Variants in ZNF804A observed in about 807,000 individuals in gnomAD.
The protein encoded by ZNF804A is zinc finger protein 804A.
A neutral mutation model predicts 16.5 loss-of-function variants in ZNF804A; 2 were observed. The ratio of observed to expected loss-of-function variants is 0.12; its 90% CI spans 0.05 to 0.38. The LOEUF (loss-of-function observed/expected upper bound fraction) is 0.38. Ranked by LOEUF, ZNF804A falls within the 10% of genes least tolerant of loss-of-function variation. ZNF804A has a pLI of 0.99. For missense variants in ZNF804A, 1,473 were observed against 1,390.7 expected (o/e 1.06, Z -0.94); for synonymous variants, 534 against 489.6 (o/e 1.09, Z -1.20).
chr2:184,642,150 G>T (rs11890128), intron 1 of ZNF804A, among the ~76,000 whole-genome samples: 40,969 of 151,896 alleles, frequency 0.27, 5,750 homozygotes, highest in African/African-American at 0.33. Flanking sequence ...AATGTTTGTG[G>T]CACTATTTTT....
intron 1 of ZNF804A, among the ~76,000 whole-genome samples, chr2:184,727,167 T>G (rs1693426995): frequency 6.6e-6 from 1 of 151,638 alleles, no homozygotes; most frequent in Admixed American, 6.6e-5. Flanking sequence ...CTGGCATTTC[T>G]GTTTGTCTGA....
At position 184,938,004 on chromosome 2, in the gene ZNF804A, G is replaced by T; in HGVS notation, c.2608G>T (p.Glu870Ter). 3 of 1,614,030 alleles carry T rather than the reference G, an allele frequency of 1.9e-6. No homozygotes were observed. Among genetic ancestry groups the T allele is most frequent in the Non-Finnish European group, 2.5e-6 (3 of 1,180,014 alleles). The change falls in exon 4 of 4, where the codon GAA becomes TAA. Residue 870 changes from glutamate to a stop codon, truncating the protein, a stop_gained. Transcript: ENST00000302277. LOFTEE classifies it low-confidence loss of function (END_TRUNC). ...AGTTGCAAAAATCGAAAGGAACTCA[G>T]AACAAACAAACCAATTAAGAAACAA... ...QEVAKIERNS[E>*]QTNQLRNKLS...
intron 1 of ZNF804A, among the ~76,000 whole-genome samples, chr2:184,798,151 T>G (rs1403870069): frequency 6.6e-6 from 1 of 151,966 alleles, no homozygotes; most frequent in Non-Finnish European, 1.5e-5. Flanking sequence ...CTGGTTCTTT[T>G]GTCTGACAGC....
At chr2:184,784,852 T>A (rs1694423553) in intron 1 of ZNF804A, among the ~76,000 whole-genome samples, 1 of 151,944 alleles carries the variant, frequency 6.6e-6, no homozygotes, top group Admixed American at 6.6e-5. Context: ...CCATAAGTCT[T>A]GAGAAAGGAA....
At chr2:184,910,956 G>C (rs1255948866) in intron 2 of ZNF804A, among the ~76,000 whole-genome samples, 1 of 151,884 alleles carries the variant, frequency 6.6e-6, no homozygotes, top group African/African-American at 2.4e-5. Context: ...AGTTTCTTTT[G>C]ATGTGCAGAA....
At chr2:184,864,875 A>ATTT (rs34114485) in intron 1 of ZNF804A, among the ~76,000 whole-genome samples, 14,758 of 105,198 alleles carry the variant, frequency 0.14, 2,190 homozygotes, top group African/African-American at 0.35. Flanking sequence ...TATAGTTAGG[A>ATTT]TTTTTTTTTT....
intron 1 of ZNF804A, among the ~76,000 whole-genome samples, chr2:184,630,418 T>C (rs557382343): frequency 1.3e-5 from 2 of 152,234 alleles, no homozygotes; most frequent in Non-Finnish European, 2.9e-5. Flanking sequence ...CCTCCGATTT[T>C]TTACAAGAAC....
At chr2:184,681,581 C>T (rs1361334973) in intron 1 of ZNF804A, among the ~76,000 whole-genome samples, 1 of 152,214 alleles carries the variant, frequency 6.6e-6, no homozygotes, top group East Asian at 1.9e-4. Context: ...CAATAACAAA[C>T]TCCTCCAATT....
At chr2:184,647,249 T>C (rs993506900) in intron 1 of ZNF804A, among the ~76,000 whole-genome samples, 1 of 152,156 alleles carries the variant, frequency 6.6e-6, no homozygotes, top group African/African-American at 2.4e-5. Flanking sequence ...AGAAAAACCT[T>C]ACCCTCACTA....
intron 1 of ZNF804A, among the ~76,000 whole-genome samples, chr2:184,774,573 C>T (rs767769980): frequency 1.3e-5 from 2 of 151,672 alleles, no homozygotes; most frequent in African/African-American, 2.4e-5. Context: ...GTGCTTTGAC[C>T]TCAGTGCTTT....
chr2:184,866,624 C>A, intron 2 of ZNF804A, 112 bp downstream of exon 2: 1 of 930,028 alleles, frequency 1.1e-6, no homozygotes, highest in Non-Finnish European at 1.5e-6. Flanking sequence ...ATTTGCTGTA[C>A]AGTTTTGAAA....
At chr2:184,629,411 C>T (rs554494394) in intron 1 of ZNF804A, among the ~76,000 whole-genome samples, 1 of 152,094 alleles carries the variant, frequency 6.6e-6, no homozygotes, top group Admixed American at 6.6e-5. Flanking sequence ...TTGATAAAAT[C>T]AAGTTTTCTA....
chr2:184,649,254 C>T (rs970665193), intron 1 of ZNF804A, among the ~76,000 whole-genome samples: 7 of 151,864 alleles, frequency 4.6e-5, no homozygotes, highest in Non-Finnish European at 1.0e-4. Context: ...ACAAACCATA[C>T]CAAACTCTGT....
At chr2:184,898,153 T>C (rs1002843950) in intron 2 of ZNF804A, among the ~76,000 whole-genome samples, 12 of 152,140 alleles carry the variant, frequency 7.9e-5, no homozygotes, top group African/African-American at 2.9e-4. Flanking sequence ...AAAGACACTA[T>C]ACTTAACCCT....
intron 1 of ZNF804A, among the ~76,000 whole-genome samples, chr2:184,765,605 A>ACC (rs148315108): frequency 0.01 from 568 of 56,162 alleles, 6 homozygotes; most frequent in African/African-American, 0.028. Context: ...CCTCACATGC[A>ACC]CCCCCCCCCC....
In ZNF804A at chr2:184,802,374, A is replaced by G. The variant is rs75256901; in HGVS notation, c.112-63995A>G. Among the ~76,000 whole-genome samples, 554 of 152,324 alleles carry G rather than the reference A, an allele frequency of 3.6e-3. 2 individuals are homozygous for G. Among genetic ancestry groups the G allele is most frequent in the Non-Finnish European group, 4.6e-3 (312 of 68,012 alleles). On this transcript the variant is annotated intron_variant, in intron 1 of 3. Transcript: ENST00000302277. ...ACCCTTCAGAGTTTAAAAGCACTTC[A>G]GAGTTTTTCTGGGCCCTTTATTGGA...
chr2:184,817,287 C>T (rs1400110550), intron 1 of ZNF804A, among the ~76,000 whole-genome samples: 2 of 151,734 alleles, frequency 1.3e-5, no homozygotes, highest in Non-Finnish European at 2.9e-5. Flanking sequence ...AGTGATCCCC[C>T]AGCAAACTAC....
At chr2:184,903,982 G>A (rs548923582) in intron 2 of ZNF804A, among the ~76,000 whole-genome samples, 9 of 151,786 alleles carry the variant, frequency 5.9e-5, no homozygotes, top group South Asian at 2.1e-4. Flanking sequence ...AAAGATTCCC[G>A]AAAAAAACCC....
chr2:184,888,788 A>T (rs1270355184), intron 2 of ZNF804A, among the ~76,000 whole-genome samples: 3 of 152,156 alleles, frequency 2.0e-5, no homozygotes, highest in Admixed American at 2.0e-4. Context: ...AAGTTAGAAC[A>T]TGAGAGGGGA....
Sources: gnomAD v4.1 joint callset for allele counts (sites outside exome capture counted in the v4.1 genomes callset) on GRCh38, gnomAD v4.1.1 for gene constraint, MANE v1.5 for transcripts, NCBI Gene and HGNC (gene_info 2026-07-23, HGNC 2026-07-21) for gene names.